Variants in ADCY5 observed in about 807,000 individuals in gnomAD.
ADCY5 encodes the protein adenylate cyclase type 5.
In ADCY5, 30 loss-of-function variants were observed where a neutral mutation model predicts 119.7. That is an observed-to-expected ratio of 0.25 (90% CI 0.19 to 0.34). The LOEUF is 0.34. Among genes scored for constraint, ADCY5 ranks in the 10% least tolerant of loss-of-function variants. The pLI, the probability that ADCY5 is intolerant of heterozygous loss-of-function variation, is 1.00. For synonymous variants in ADCY5, 753 were observed against 762.2 expected, an observed-to-expected ratio of 0.99 and a Z score of 0.20; for missense variants, 1,324 against 1,775.2, an observed-to-expected ratio of 0.75 and a Z score of 4.57.
At chr3:123,387,743 T>C (rs1026468380) in intron 1 of ADCY5, among the ~76,000 whole-genome samples, 3 of 152,222 alleles carry the variant, frequency 2.0e-5, no homozygotes, top group African/African-American at 4.8e-5. Context: ...CTAAACCCAA[T>C]GGCAGGCCAG....
intron 1 of ADCY5, among the ~76,000 whole-genome samples, chr3:123,389,744 A>G (rs1004937684): frequency 6.6e-6 from 1 of 152,206 alleles, no homozygotes; most frequent in Admixed American, 6.5e-5. Flanking sequence ...CAACTCTACC[A>G]GAATTAAGTG....
intron 5 of ADCY5, among the ~76,000 whole-genome samples, chr3:123,330,245 C>A (rs1020067116): frequency 6.6e-6 from 1 of 152,226 alleles, no homozygotes. Context: ...TTTTTCTCTG[C>A]CCCTGCCCAA....
intron 2 of ADCY5, among the ~76,000 whole-genome samples, chr3:123,348,378 C>G (rs186012837): frequency 3.3e-5 from 5 of 152,272 alleles, no homozygotes; most frequent in South Asian, 2.1e-4. Context: ...ATGTGCCAGG[C>G]ACTATTCTGG....
intron 1 of ADCY5, among the ~76,000 whole-genome samples, chr3:123,361,626 G>A (rs1943252430): frequency 6.6e-6 from 1 of 152,144 alleles, no homozygotes; most frequent in Non-Finnish European, 1.5e-5. Flanking sequence ...ATATTTTCAA[G>A]GTTCGTCCAC....
intron 1 of ADCY5, among the ~76,000 whole-genome samples, chr3:123,444,005 T>C (rs1945769428): frequency 6.6e-6 from 1 of 152,196 alleles, no homozygotes; most frequent in Admixed American, 6.5e-5. Flanking sequence ...CGTTAATAGC[T>C]AAGCATATGT....
intron 1 of ADCY5, chr3:123,416,481 C>T (rs1368440811): frequency 3.1e-5 from 22 of 713,524 alleles, no homozygotes; most frequent in Non-Finnish European, 3.8e-5. Flanking sequence ...CACTGAAGGA[C>T]GCAGAACAAG....
intron 1 of ADCY5, among the ~76,000 whole-genome samples, chr3:123,393,083 C>T (rs1264616173): frequency 1.3e-5 from 2 of 152,132 alleles, no homozygotes; most frequent in Non-Finnish European, 2.9e-5. Context: ...GCACAGAGGC[C>T]CATGTTCCTG....
rs1210475987 is a variant in ADCY5, at chr3:123,319,808, C to G, written c.2122G>C (p.Glu708Gln). 5 of 1,613,740 alleles carry G rather than the reference C, an allele frequency of 3.1e-6. No individual in the cohort carries two copies. The highest frequency in any genetic ancestry group is 4.2e-6 in the Non-Finnish European group (5 of 1,179,770). Residue 708 changes from glutamate (E) to glutamine (Q), a missense_variant, in exon 10 of 21, where the codon GAG (glutamate) becomes CAG (glutamine). Physicochemically the swap from Glu to Gln is conservative, Grantham distance 29. This residue lies in a region of ADCY5 where 424 missense variants were observed against 546.8 expected (regional missense o/e 0.78). Coordinates refer to ENST00000462833, the MANE Select transcript of ADCY5 (RefSeq NM_183357.3). ...FEDPKDKNAQESANPEDEVDE... is the reference protein window; with the variant it reads ...FEDPKDKNAQQSANPEDEVDE... Reference sequence around the variant, plus strand: ...ACTTCATCCTCAGGGTTCGCACTCTCCTGGGCGTTCCTGGGGAGCAGAAGG... The same window carrying G: ...ACTTCATCCTCAGGGTTCGCACTCTGCTGGGCGTTCCTGGGGAGCAGAAGG...
Position 123,434,407 on chromosome 3 carries a change from G to C in ADCY5, c.1134+13005C>G, listed in dbSNP as rs114807878. Reference sequence around the variant, plus strand: ...GAATCTATCACCCCCAGTGTATACAGGAGAGAAAAAGGACTAAAAAGGGGT... The same window carrying C: ...GAATCTATCACCCCCAGTGTATACACGAGAGAAAAAGGACTAAAAAGGGGT... On this transcript the variant is annotated intron_variant, in intron 1 of 20. Coordinates refer to ENST00000462833, the MANE Select transcript of ADCY5 (RefSeq NM_183357.3). Among the ~76,000 whole-genome samples the C allele has an allele frequency of 8.1e-3, 1,226 of 152,280 alleles. 20 individuals carry two copies. Among genetic ancestry groups the C allele is most frequent in the African/African-American group, 0.028 (1,162 of 41,556 alleles).
In ADCY5 at chr3:123,352,973, G is replaced by C. The variant is rs1233845656; in HGVS notation, c.1135-392C>G. On this transcript the variant is annotated intron_variant, in intron 1 of 20. Transcript: ENST00000462833. The surrounding 1 kb of genome is among the most constrained non-coding windows in gnomAD (Gnocchi z 4.8). Reference sequence around the variant, plus strand: ...GGATTTCACTTTTGAAAGTGTGATAGAGTCCAGTACAGGACAAGGGGCCAC... The same window carrying C: ...GGATTTCACTTTTGAAAGTGTGATACAGTCCAGTACAGGACAAGGGGCCAC... 6.6e-6 allele frequency among the ~76,000 whole-genome samples: 1 copy of C among 152,196 alleles called. No homozygotes were observed. The highest frequency in any genetic ancestry group is 1.5e-5 in the Non-Finnish European group (1 of 68,032).
chr3:123,365,818 G>T (rs532314349), intron 1 of ADCY5, among the ~76,000 whole-genome samples: 1 of 152,250 alleles, frequency 6.6e-6, no homozygotes, highest in African/African-American at 2.4e-5. Context: ...GCAGTGAAGG[G>T]ACAGCGAGTG....
Position 123,447,395 on chromosome 3 carries a change from G to T in ADCY5, c.1134+17C>A. 1 of 1,527,112 alleles carries T rather than the reference G, an allele frequency of 6.5e-7. No individual in the cohort carries two copies. The highest frequency in any genetic ancestry group is 1.4e-5 in the African/African-American group (1 of 73,356). 94.6% of individuals were successfully genotyped at this position (1,527,112 alleles called of 1,614,324 possible). A position where few individuals can be genotyped will look rare whatever the true frequency, so the allele number is the denominator to read the frequency against. ...CCCGCCCCGCAATCCAGTCCCGGTG[G>T]CCAGGTCGGCCCCTACCTGCTTCAG... is the stretch of plus-strand genomic sequence containing the variant. On this transcript the variant is annotated intron_variant, in intron 1 of 20. Transcript: ENST00000462833.
intron 11 of ADCY5, among the ~76,000 whole-genome samples, chr3:123,316,400 G>A (rs989470113): frequency 1.3e-5 from 2 of 152,162 alleles, no homozygotes; most frequent in African/African-American, 4.8e-5. Context: ...GGATAGTGAG[G>A]GGAAAATGAC....
At chr3:123,346,228 G>T (rs1348440621) in intron 3 of ADCY5, among the ~76,000 whole-genome samples, 1 of 152,244 alleles carries the variant, frequency 6.6e-6, no homozygotes, top group Non-Finnish European at 1.5e-5. Flanking sequence ...CTGCCTGAAG[G>T]GCTCAAGCCC....
At chr3:123,373,926 T>G (rs1943733047) in intron 1 of ADCY5, among the ~76,000 whole-genome samples, 1 of 152,084 alleles carries the variant, frequency 6.6e-6, no homozygotes, top group African/African-American at 2.4e-5. Context: ...CTTCCGCATA[T>G]TCGATGGAGA....
At chr3:123,431,573 G>A (rs1419103237) in intron 1 of ADCY5, among the ~76,000 whole-genome samples, 1 of 152,174 alleles carries the variant, frequency 6.6e-6, no homozygotes, top group Non-Finnish European at 1.5e-5. Context: ...CTGCTAAGAT[G>A]GTCAGTCTAT....
chr3:123,302,735 T>C (rs1939917401), intron 14 of ADCY5, among the ~76,000 whole-genome samples: 1 of 152,120 alleles, frequency 6.6e-6, no homozygotes, highest in Admixed American at 6.5e-5. Flanking sequence ...ACAAAGGAGA[T>C]AATATAATAC....
chr3:123,331,665 AG>A lies in ADCY5; in HGVS notation c.1519-650del, dbSNP rs566426421. 4.6e-5 allele frequency among the ~76,000 whole-genome samples: 7 copies of A among 152,274 alleles called. No individual in the cohort carries two copies. The East Asian group carries it at 1.4e-3, about 29-fold the overall frequency. On this transcript the variant is annotated intron_variant, in intron 4 of 20. Coordinates refer to ENST00000462833, the MANE Select transcript of ADCY5 (RefSeq NM_183357.3). ...ACCAATCCGTCAGTGGGATTGCGAT[AG>A]AATATCAGTAATCATCAATTATGAG...
At chr3:123,392,498 T>TA (rs760462856) in intron 1 of ADCY5, among the ~76,000 whole-genome samples, 8 of 152,076 alleles carry the variant, frequency 5.3e-5, no homozygotes, top group Non-Finnish European at 1.0e-4. Context: ...ACCGCAGACT[T>TA]AGAGAGGCAC....
Sources: gnomAD v4.1 joint callset for allele counts (sites outside exome capture counted in the v4.1 genomes callset) on GRCh38, gnomAD v4.1.1 for gene constraint, gnomAD v4.1.1 regional missense constraint, Gnocchi (gnomAD v3.1) non-coding constraint, MANE v1.5 for transcripts, NCBI Gene and HGNC (gene_info 2026-07-23, HGNC 2026-07-21) for gene names.